Variants in GHR observed in about 807,000 individuals in gnomAD.
The protein encoded by GHR is GH receptor.
In GHR, 35 loss-of-function variants were observed where a neutral mutation model predicts 67.1. The observed-to-expected ratio is 0.52, with a 90% CI of 0.40 to 0.69. The LOEUF is 0.69. Among genes scored for constraint, GHR ranks in the 30% least tolerant of loss-of-function variants. The pLI, the probability that GHR is intolerant of heterozygous loss-of-function variation, is 0.00. For missense variants in GHR, 792 were observed against 764.6 expected (o/e 1.04, Z -0.42); for synonymous variants, 272 against 269.1 (o/e 1.01, Z -0.10).
chr5:42,688,386 A>G (rs1463138242), intron 3 of GHR, among the ~76,000 whole-genome samples: 1 of 152,200 alleles, frequency 6.6e-6, no homozygotes, highest in Non-Finnish European at 1.5e-5. Flanking sequence ...TGGGAGCGGT[A>G]GATAAATATC....
At chr5:42,437,568 A>C (rs1165978904) in intron 1 of GHR, among the ~76,000 whole-genome samples, 1 of 143,480 alleles carries the variant, frequency 7.0e-6, no homozygotes, top group African/African-American at 2.8e-5. Context: ...TATTTATTTG[A>C]AACGAAATCT....
At chr5:42,699,784 T>C (rs1269967762) in intron 5 of GHR, 40 bp from the exon 6 acceptor site, 6 of 1,344,046 alleles carry the variant, frequency 4.5e-6, no homozygotes. Context: ...AATATTAAAT[T>C]GTGTCTGTCT....
intron 1 of GHR, among the ~76,000 whole-genome samples, chr5:42,470,028 AAT>A (rs532770536): frequency 3.3e-4 from 48 of 145,124 alleles, no homozygotes; most frequent in African/African-American, 1.0e-3. Context: ...GTATATAAAT[AAT>A]ATATATATAC....
At chr5:42,426,111 G>A (rs989527809) in intron 1 of GHR, among the ~76,000 whole-genome samples, 1 of 152,160 alleles carries the variant, frequency 6.6e-6, no homozygotes, top group African/African-American at 2.4e-5. Context: ...TATCTCTGGC[G>A]CCTGCTTAAA....
intron 1 of GHR, among the ~76,000 whole-genome samples, chr5:42,501,777 T>C (rs1746550674): frequency 6.6e-6 from 1 of 152,152 alleles, no homozygotes; most frequent in South Asian, 2.1e-4. Flanking sequence ...AACACAAAAG[T>C]GTTTTTCCTC....
intron 1 of GHR, among the ~76,000 whole-genome samples, chr5:42,507,738 T>G (rs143382478): frequency 2.0e-4 from 31 of 152,302 alleles, no homozygotes; most frequent in African/African-American, 6.7e-4. Flanking sequence ...GTTACTCTAG[T>G]CCTGAGAGGG....
intron 3 of GHR, among the ~76,000 whole-genome samples, chr5:42,664,725 A>C (rs530495766): frequency 1.3e-5 from 2 of 152,222 alleles, no homozygotes; most frequent in African/African-American, 2.4e-5. Flanking sequence ...AATGGCAACA[A>C]AAGCAAAAAT....
intron 2 of GHR, among the ~76,000 whole-genome samples, chr5:42,628,145 G>A (rs1008952720): frequency 6.6e-6 from 1 of 152,154 alleles, no homozygotes; most frequent in Non-Finnish European, 1.5e-5. Context: ...CTGCTGGTCA[G>A]CTGGCTTGCT....
At chr5:42,674,649 T>G (rs1353369461) in intron 3 of GHR, among the ~76,000 whole-genome samples, 1 of 152,234 alleles carries the variant, frequency 6.6e-6, no homozygotes, top group Non-Finnish European at 1.5e-5. Flanking sequence ...GCAACATATT[T>G]TCAAGGTCAT....
intron 3 of GHR, among the ~76,000 whole-genome samples, chr5:42,683,024 A>G (rs1756964828): frequency 6.6e-6 from 1 of 151,794 alleles, no homozygotes; most frequent in Admixed American, 6.6e-5. Context: ...TTTTTTTGAG[A>G]TGGAGTCTTG....
At chr5:42,642,965 A>G (rs1754552677) in intron 3 of GHR, among the ~76,000 whole-genome samples, 1 of 152,140 alleles carries the variant, frequency 6.6e-6, no homozygotes, top group Non-Finnish European at 1.5e-5. Flanking sequence ...TGTCTCTTTT[A>G]AGGACACCTA....
intron 1 of GHR, among the ~76,000 whole-genome samples, chr5:42,430,958 T>C (rs1236612713): frequency 6.6e-6 from 1 of 152,176 alleles, no homozygotes; most frequent in East Asian, 1.9e-4. Flanking sequence ...CTCTCCAAGC[T>C]CTGCCTTTAA....
At chr5:42,486,614 G>A (rs1314514006) in intron 1 of GHR, among the ~76,000 whole-genome samples, 8 of 152,174 alleles carry the variant, frequency 5.3e-5, no homozygotes, top group East Asian at 1.9e-4. Context: ...TTGGGAGTCC[G>A]AGGCAGGTGG....
intron 3 of GHR, chr5:42,646,187 G>A (rs1411068888): frequency 4.0e-6 from 1 of 251,894 alleles, no homozygotes; most frequent in Non-Finnish European, 8.2e-6. Context: ...GGGGAAGCAA[G>A]AGAGAGGTAC....
intron 5 of GHR, among the ~76,000 whole-genome samples, chr5:42,699,036 T>C (rs1297224644): frequency 1.3e-5 from 2 of 152,226 alleles, no homozygotes; most frequent in Middle Eastern, 3.2e-3. Context: ...AAGTTGTTCA[T>C]GTGACAGTCA....
chr5:42,504,100 T>C (rs1746652794), intron 1 of GHR, among the ~76,000 whole-genome samples: 1 of 152,206 alleles, frequency 6.6e-6, no homozygotes, highest in Non-Finnish European at 1.5e-5. Context: ...GTCTTTTCTT[T>C]GAGCATAGCT....
At chr5:42,671,736 C>A (rs1246217253) in intron 3 of GHR, among the ~76,000 whole-genome samples, 1 of 151,036 alleles carries the variant, frequency 6.6e-6, no homozygotes, top group Non-Finnish European at 1.5e-5. Flanking sequence ...GTGGGCGGAT[C>A]ACGAGGTCAG....
At position 42,688,534 on chromosome 5, in the gene GHR, C is replaced by A. The variant is rs1480580004; in HGVS notation, c.137-356C>A. 5.9e-5 allele frequency among the ~76,000 whole-genome samples: 9 copies of A among 152,272 alleles called. No individual in the cohort carries two copies. In the East Asian group the frequency reaches 1.7e-3, roughly 29 times the overall value. On this transcript the variant is annotated intron_variant, in intron 3 of 9. Coordinates refer to ENST00000230882, the MANE Select transcript of GHR (RefSeq NM_000163.5). Reference sequence around the variant, plus strand: ...CACACATATTAGTTGTTCTCCCTTTCCTTCCCACCCTCCCCATTCCCTGAC... The same window carrying A: ...CACACATATTAGTTGTTCTCCCTTTACTTCCCACCCTCCCCATTCCCTGAC...
At chr5:42,446,927 T>C (rs973817195) in intron 1 of GHR, among the ~76,000 whole-genome samples, 10 of 152,226 alleles carry the variant, frequency 6.6e-5, no homozygotes, top group African/African-American at 2.4e-4. Flanking sequence ...ATTATTAGTG[T>C]TGGCAAGGGT....
Sources: allele counts gnomAD v4.1 joint callset (sites outside exome capture counted in the v4.1 genomes callset), GRCh38; gene constraint gnomAD v4.1.1; transcripts MANE v1.5; gene names NCBI Gene and HGNC (gene_info 2026-07-23, HGNC 2026-07-21).